The following PTDSS2 variants were observed in gnomAD, a reference collection of about 807,000 sequenced individuals.
PTDSS2 encodes the protein phosphatidylserine synthase 2, also known as PSS-2.
PTDSS2 carries 41 observed loss-of-function variants against 64.7 expected under a neutral mutation model. The ratio of observed to expected loss-of-function variants is 0.63; its 90% confidence interval spans 0.49 to 0.82. The LOEUF (loss-of-function observed/expected upper bound fraction) is 0.82, where lower values mean the gene tolerates loss of function less well. Ranked by LOEUF, PTDSS2 falls within the 40% of genes least tolerant of loss-of-function variation. The pLI, the probability that PTDSS2 is intolerant of heterozygous loss-of-function variation, is 0.00. For synonymous variants in PTDSS2, 297 were observed against 277.8 expected (o/e 1.07, Z -0.69); for missense variants, 485 against 650.0 (o/e 0.75, Z 2.76).
chr11:448,891 C>G (rs919953518), upstream of PTDSS2, among the ~76,000 whole-genome samples: 12 of 152,198 alleles, frequency 7.9e-5, no homozygotes, highest in African/African-American at 2.7e-4. Flanking sequence ...TATTACAGCA[C>G]TTTCATCGCC....
At chr11:477,420 C>T (rs1292802824) in intron 3 of PTDSS2, among the ~76,000 whole-genome samples, 1 of 152,036 alleles carries the variant, frequency 6.6e-6, no homozygotes, top group Non-Finnish European at 1.5e-5. Flanking sequence ...GGGGGGTGGC[C>T]CTGGGGTCAG....
chr11:468,552 C>T (rs1406014273), intron 2 of PTDSS2, among the ~76,000 whole-genome samples: 1 of 152,226 alleles, frequency 6.6e-6, no homozygotes, highest in East Asian at 1.9e-4. Context: ...GAAGGGTGTT[C>T]AGAGGAAGGT....
chr11:486,076 G>A (rs71487292), intron 4 of PTDSS2, among the ~76,000 whole-genome samples: 13,486 of 151,360 alleles, frequency 0.089, 874 homozygotes, highest in Admixed American at 0.17. Flanking sequence ...CACCGTGTGC[G>A]CAGGCGAGTG....
intron 1 of PTDSS2, among the ~76,000 whole-genome samples, chr11:452,559 G>A (rs1000625007): frequency 1.3e-5 from 2 of 152,236 alleles, no homozygotes; most frequent in Non-Finnish European, 2.9e-5. Flanking sequence ...GGTCAGGAGG[G>A]CTCTCCAGGA....
rs1253922402 is a variant in PTDSS2, at chr11:460,337, T to G, written c.284+49T>G. 6.7e-7 allele frequency: 1 copy of G among 1,496,002 alleles called. No homozygotes were observed. The allele number at this position is 1,496,002 out of a possible 1,614,324, so 92.7% of individuals were successfully genotyped here. ...TTCTGAAACTGCCCTGTGCCCCGTG[T>G]GGTGGGTGTGGCACCCTTACTGCTC... On this transcript the variant is annotated intron_variant, in intron 2 of 11. Coordinates refer to ENST00000308020, the MANE Select transcript of PTDSS2 (RefSeq NM_030783.3). The surrounding 1 kb of genome is among the most constrained non-coding windows in gnomAD (Gnocchi z 5.8).
At chr11:451,372 C>T (rs1486155720) in intron 1 of PTDSS2, 1 of 446,392 alleles carries the variant, frequency 2.2e-6, no homozygotes, top group Non-Finnish European at 4.6e-6. Flanking sequence ...GGTGCCGCTC[C>T]TACTCCCGAC....
Position 490,631 on chromosome 11 carries a change from G to A in PTDSS2, c.*49G>A. On this transcript the variant is annotated 3_prime_UTR_variant, in exon 12 of 12. Coordinates refer to ENST00000308020, the MANE Select transcript of PTDSS2 (RefSeq NM_030783.3). ...GCCTCCCAGAGCCCAGGCCTCCGTG[G>A]CCTCCTCCTGTGTGAGTCCCACCAG... 1 of 1,519,554 alleles carries A rather than the reference G, an allele frequency of 6.6e-7. No individual in the cohort carries two copies. The highest frequency in any genetic ancestry group is 8.9e-7 in the Non-Finnish European group (1 of 1,128,520). 94.1% of individuals were successfully genotyped at this position (1,519,554 alleles called of 1,614,324 possible).
At position 450,405 on chromosome 11, in the gene PTDSS2, G is replaced by A. The variant is rs1846260645; in HGVS notation, c.-51G>A. ...CGGCGCGTCCTCTCGCCGGTGACCC[G>A]GTGTGCGTGGGGTCGAGGCGCCGGG... On this transcript the variant is annotated 5_prime_UTR_variant, in exon 1 of 12. Coordinates refer to ENST00000308020, the MANE Select transcript of PTDSS2 (RefSeq NM_030783.3). 2 of 1,213,716 alleles carry A rather than the reference G, an allele frequency of 1.6e-6. No homozygotes were observed. The highest frequency in any genetic ancestry group is 4.3e-5 in the Admixed American group (1 of 23,236). The allele number at this position is 1,213,716 out of a possible 1,614,324, so 75.2% of individuals were successfully genotyped here. A position where few individuals can be genotyped will look rare whatever the true frequency, so the allele number is the denominator to read the frequency against.
chr11:485,484 G>A (rs1848309070), intron 4 of PTDSS2, among the ~76,000 whole-genome samples: 2 of 145,592 alleles, frequency 1.4e-5, no homozygotes, highest in South Asian at 2.2e-4. Context: ...TGTGCTCACT[G>A]TGCAGGCGAG....
intron 3 of PTDSS2, among the ~76,000 whole-genome samples, chr11:478,300 A>T (rs1187286914): frequency 1.3e-5 from 2 of 151,970 alleles, no homozygotes; most frequent in South Asian, 2.1e-4. Flanking sequence ...AAAAAAAAAA[A>T]ATACAAAAAT....
intron 4 of PTDSS2, among the ~76,000 whole-genome samples, chr11:481,215 G>A (rs1307438812): frequency 6.6e-6 from 1 of 152,156 alleles, no homozygotes; most frequent in African/African-American, 2.4e-5. Flanking sequence ...TTTTTGGTGA[G>A]CTGGACGGTT....
chr11:450,512 C>T lies in PTDSS2; in HGVS notation c.57C>T (p.Pro19=), dbSNP rs530464406. 3 of 1,239,240 alleles carry T rather than the reference C, an allele frequency of 2.4e-6. No individual in the cohort carries two copies. Among genetic ancestry groups the T allele is most frequent in the Admixed American group, 8.5e-5 (2 of 23,532 alleles). The allele number at this position is 1,239,240 out of a possible 1,614,324, so 76.8% of individuals were successfully genotyped here. A position where few individuals can be genotyped will look rare whatever the true frequency, so the allele number is the denominator to read the frequency against. The change falls in exon 1 of 12, where the codon CCC becomes CCT. Residue 19 remains proline (P), a synonymous_variant. Transcript: ENST00000308020. ...GTCCGCGGCCCGAGTCCCCGGTGCC[C>T]GCGGGCAGGGCCTCGCTGGAGGAGC... ...AGGPRPESPV[P]AGRASLEEPP...
chr11:484,160 G>A (rs1173953273), intron 4 of PTDSS2, among the ~76,000 whole-genome samples: 4 of 152,288 alleles, frequency 2.6e-5, no homozygotes, highest in Non-Finnish European at 2.9e-5. Flanking sequence ...TTATTTCAGC[G>A]CTGCTCTATT....
intron 1 of PTDSS2, chr11:459,056 A>G (rs541523720): frequency 2.2e-4 from 32 of 148,316 alleles, no homozygotes; most frequent in East Asian, 1.4e-3. Context: ...AGACGTGAGG[A>G]CACACTCCGG....
intron 2 of PTDSS2, among the ~76,000 whole-genome samples, chr11:468,156 C>G (rs777431060): frequency 6.6e-6 from 1 of 152,232 alleles, no homozygotes; most frequent in African/African-American, 2.4e-5. Flanking sequence ...CATTAAGCCA[C>G]TGCGACCGGG....
At chr11:471,991 A>C (rs1332039541) in intron 2 of PTDSS2, among the ~76,000 whole-genome samples, 1 of 129,390 alleles carries the variant, frequency 7.7e-6, no homozygotes, top group Non-Finnish European at 1.6e-5. Flanking sequence ...GGTGACGCGG[A>C]TGGCGGCCTG....
chr11:450,507 G>C lies in PTDSS2; in HGVS notation c.52G>C (p.Val18Leu), dbSNP rs1367118444. Residue 18 changes from valine to leucine, a missense_variant, in exon 1 of 12, where the codon GTG becomes CTG. Around this residue, in one of 3 missense-constraint regions of PTDSS2, gnomAD observed 251 missense variants for 348.0 expected, o/e 0.72. Transcript: ENST00000308020. ...DAGGPRPESPVPAGRASLEEP... is the reference protein window; with the variant it reads ...DAGGPRPESPLPAGRASLEEP... ...CGGAGGTCCGCGGCCCGAGTCCCCG[G>C]TGCCCGCGGGCAGGGCCTCGCTGGA... 1 of 1,238,742 alleles carries C rather than the reference G, an allele frequency of 8.1e-7. No homozygotes were observed. Among genetic ancestry groups the C allele is most frequent in the Non-Finnish European group, 1.0e-6 (1 of 984,902 alleles). 76.7% of individuals were successfully genotyped at this position (1,238,742 alleles called of 1,614,324 possible).
At position 489,994 on chromosome 11, in the gene PTDSS2, C is replaced by G; in HGVS notation, c.1227C>G (p.Pro409=). Residue 409 remains proline (P), a synonymous_variant, in exon 11 of 12, where the codon CCC becomes CCG. Transcript: ENST00000308020. ...CCCACACGCTCACCCTGTCCCTGCC[C>G]TTCTACATCTCCCAGTGCTGGACCC... ...YDPHTLTLSL[P]FYISQCWTLG... 6.2e-7 allele frequency: 1 copy of G among 1,612,334 alleles called. No individual in the cohort carries two copies. Among genetic ancestry groups the G allele is most frequent in the East Asian group, 2.2e-5 (1 of 44,862 alleles).
At position 476,868 on chromosome 11, in the gene PTDSS2, A is replaced by G. The variant is rs1332977831; in HGVS notation, c.368-2217A>G. Among the ~76,000 whole-genome samples, 2 of 152,130 alleles carry G rather than the reference A, an allele frequency of 1.3e-5. No individual in the cohort carries two copies. The highest frequency in any genetic ancestry group is 4.8e-5 in the African/African-American group (2 of 41,422). On this transcript the variant is annotated intron_variant, in intron 3 of 11. Transcript: ENST00000308020. The surrounding 1 kb of genome is among the most constrained non-coding windows in gnomAD (Gnocchi z 4.9). The stretch of plus-strand genomic sequence containing the variant: ...GCATAAATTCCATATTACTTTGCCA[A>G]TCTTCGATTTATTGACGGGGAAGCC...
Sources: allele counts gnomAD v4.1 joint callset (sites outside exome capture counted in the v4.1 genomes callset), GRCh38; gene constraint gnomAD v4.1.1; regional missense constraint gnomAD v4.1.1; non-coding constraint Gnocchi (gnomAD v3.1); transcripts MANE v1.5; gene names NCBI Gene and HGNC (gene_info 2026-07-23, HGNC 2026-07-21).